The following SETX variants were observed in gnomAD, a reference collection of about 807,000 sequenced individuals.
The protein encoded by SETX is senataxin.
Under a neutral mutation model 227.2 loss-of-function variants are expected in SETX, and 90 were observed. The ratio of observed to expected loss-of-function variants is 0.40; its 90% CI spans 0.33 to 0.47. The LOEUF (loss-of-function observed/expected upper bound fraction) is 0.47, where lower values mean the gene tolerates loss of function less well. Ranked by LOEUF, SETX falls within the 20% of genes least tolerant of loss-of-function variation. SETX has a pLI of 0.91. For synonymous variants in SETX, 1,210 were observed against 1,113.2 expected (o/e 1.09, Z -1.73); for missense variants, 3,052 against 3,181.5 (o/e 0.96, Z 0.98).
chr9:132,322,511 A>C (rs1197158061), intron 10 of SETX, among the ~76,000 whole-genome samples: 1 of 152,224 alleles, frequency 6.6e-6, no homozygotes. Flanking sequence ...TATTTCACTT[A>C]GCACAATGTT....
At chr9:132,335,123 G>A (rs192552087) in intron 6 of SETX, among the ~76,000 whole-genome samples, 8 of 152,024 alleles carry the variant, frequency 5.3e-5, no homozygotes, top group African/African-American at 9.7e-5. Context: ...GGGCGTGGTG[G>A]CTCACACCTG....
chr9:132,285,371 A>C (rs146945104), intron 18 of SETX, among the ~76,000 whole-genome samples: 2,214 of 152,346 alleles, frequency 0.015, 25 homozygotes, highest in Middle Eastern at 0.041. Context: ...TTAAAGAAAA[A>C]AATGCAAATG....
chr9:132,294,255 G>A (rs1844529524), intron 15 of SETX, among the ~76,000 whole-genome samples: 1 of 152,096 alleles, frequency 6.6e-6, no homozygotes, highest in Non-Finnish European at 1.5e-5. Flanking sequence ...AACTGAAGAT[G>A]TACAAACTCT....
intron 12 of SETX, among the ~76,000 whole-genome samples, chr9:132,300,340 T>G (rs1334752992): frequency 2.0e-5 from 3 of 152,098 alleles, no homozygotes; most frequent in Non-Finnish European, 1.5e-5. Flanking sequence ...AAGGATGAAA[T>G]GTAATTTAAC....
At chr9:132,345,945 G>C (rs990189933) in intron 4 of SETX, among the ~76,000 whole-genome samples, 1 of 152,172 alleles carries the variant, frequency 6.6e-6, no homozygotes, top group Non-Finnish European at 1.5e-5. Flanking sequence ...CTTGAGCCCA[G>C]GAGGTAGAGG....
Position 132,264,534 on chromosome 9 carries a change from A to T in SETX, c.7739T>A (p.Val2580Asp). The T allele has an allele frequency of 6.2e-7, 1 of 1,613,968 alleles. No individual in the cohort carries two copies. The highest frequency in any genetic ancestry group is 8.5e-7 in the Non-Finnish European group (1 of 1,179,962). Residue 2580 changes from valine (V) to aspartate (D), a missense_variant, in exon 26 of 26, where the codon GTT (valine) becomes GAT (aspartate). Physicochemically the swap from Val to Asp is radical, Grantham distance 152 (BLOSUM62 -3). Transcript: ENST00000224140. Reference protein sequence around the residue: ...PPTGEPGFPVVHQDLSHIQQP... With the variant: ...PPTGEPGFPVDHQDLSHIQQP... Reference sequence around the variant, plus strand: ...CTGTATATGGCTCAGGTCCTGGTGAACGACAGGGAAGCCCGGCTCGCCCGT... The same window carrying T: ...CTGTATATGGCTCAGGTCCTGGTGATCGACAGGGAAGCCCGGCTCGCCCGT...
At chr9:132,289,434 T>C (rs1375784208) in intron 15 of SETX, among the ~76,000 whole-genome samples, 1 of 152,134 alleles carries the variant, frequency 6.6e-6, no homozygotes, top group African/African-American at 2.4e-5. Context: ...AGATCATAGC[T>C]TGGAGCCTTT....
intron 20 of SETX, among the ~76,000 whole-genome samples, chr9:132,278,619 C>T (rs974698906): frequency 6.6e-6 from 1 of 151,658 alleles, no homozygotes; most frequent in East Asian, 1.9e-4. Flanking sequence ...CCACACCTGG[C>T]CAAAATGCCA....
At chr9:132,348,129 T>G (rs1415403425) in intron 3 of SETX, among the ~76,000 whole-genome samples, 2 of 148,774 alleles carry the variant, frequency 1.3e-5, no homozygotes, top group African/African-American at 4.9e-5. Flanking sequence ...GAGGCCGAGG[T>G]GGGCAGATCA....
Position 132,297,060 on chromosome 9 carries a change from T to A in SETX, c.5782-6A>T. The A allele has an allele frequency of 6.2e-7, 1 of 1,607,450 alleles. No individual in the cohort carries two copies. Among genetic ancestry groups the A allele is most frequent in the Non-Finnish European group, 8.5e-7 (1 of 1,175,796 alleles). ...AAATCTCTTAAGTACGCAATCTATA[T>A]AAAAAACACATTTTTGAGAATGAGT... On this transcript the variant is annotated splice_region_variant and splice_polypyrimidine_tract_variant and intron_variant, in intron 13 of 25. Coordinates refer to ENST00000224140, the MANE Select transcript of SETX (RefSeq NM_015046.7).
chr9:132,317,165 T>C (rs543098185), intron 10 of SETX, among the ~76,000 whole-genome samples: 103 of 152,348 alleles, frequency 6.8e-4, no homozygotes, highest in African/African-American at 2.4e-3. Flanking sequence ...CATTCATCAT[T>C]AGACTAGTTA....
intron 23 of SETX, chr9:132,274,856 C>T (rs1843076996): frequency 1.1e-5 from 2 of 179,812 alleles, no homozygotes; most frequent in South Asian, 1.3e-4. Flanking sequence ...TTTAATTTTA[C>T]TGCTGAGGTA....
chr9:132,343,217 G>A (rs1848097370), intron 4 of SETX, among the ~76,000 whole-genome samples: 1 of 152,166 alleles, frequency 6.6e-6, no homozygotes, highest in Non-Finnish European at 1.5e-5. Flanking sequence ...TACTCGGAAG[G>A]CTGAGGCAGG....
rs1319843973 is a variant in SETX at position 132,262,674 on chromosome 9, T to A, written c.*1565A>T. ...TGGACACCAGTGAGGGAGACACAGG[T>A]AATGAAATCAAATGCTCAAACTTTT... is the stretch of plus-strand genomic sequence containing the variant. On this transcript the variant is annotated 3_prime_UTR_variant, in exon 26 of 26. Transcript: ENST00000224140. 6.6e-6 allele frequency: 1 copy of A among 152,592 alleles called. No individual in the cohort carries two copies. The highest frequency in any genetic ancestry group is 1.5e-5 in the Non-Finnish European group (1 of 68,042). The allele number at this position is 152,592 out of a possible 1,614,324, so 9.5% of individuals were successfully genotyped here.
chr9:132,274,330 T>C (rs1843046976), intron 23 of SETX, among the ~76,000 whole-genome samples: 1 of 152,228 alleles, frequency 6.6e-6, no homozygotes, highest in Non-Finnish European at 1.5e-5. Flanking sequence ...TGAGAATGAC[T>C]TGTGTTCATT....
chr9:132,335,974 G>A (rs541657503), intron 6 of SETX, among the ~76,000 whole-genome samples: 1 of 152,322 alleles, frequency 6.6e-6, no homozygotes, highest in Admixed American at 6.5e-5. Context: ...GGGCGCGGTA[G>A]CTCACGCCTG....
chr9:132,291,159 CTTTTTT>C (rs139976052), intron 15 of SETX, among the ~76,000 whole-genome samples: 5 of 83,814 alleles, frequency 6.0e-5, no homozygotes, highest in African/African-American at 1.1e-4. Flanking sequence ...GTTTGAAAAC[CTTTTTT>C]TTTTTTTTTT....
chr9:132,264,126 T>A lies in SETX; in HGVS notation c.*113A>T. 6.7e-7 allele frequency: 1 copy of A among 1,486,136 alleles called. No homozygotes were observed. Among genetic ancestry groups the A allele is most frequent in the Non-Finnish European group, 9.3e-7 (1 of 1,079,698 alleles). 92.1% of individuals were successfully genotyped at this position (1,486,136 alleles called of 1,614,324 possible). ...TGTTAAGGATGCATTTTCCATGTTT[T>A]CCAACAGCACACAAACTCCTTACAA... On this transcript the variant is annotated 3_prime_UTR_variant, in exon 26 of 26. Transcript: ENST00000224140.
chr9:132,277,673 AC>A (rs972642202), intron 21 of SETX, among the ~76,000 whole-genome samples: 26 of 151,674 alleles, frequency 1.7e-4, no homozygotes, highest in African/African-American at 5.8e-4. Flanking sequence ...AGTCCCAGCT[AC>A]TCAGGAGGCT....
Sources: gnomAD v4.1 joint callset for allele counts (sites outside exome capture counted in the v4.1 genomes callset) on GRCh38, gnomAD v4.1.1 for gene constraint, MANE v1.5 for transcripts, NCBI Gene and HGNC (gene_info 2026-07-23, HGNC 2026-07-21) for gene names.